Variants in BICDL1 observed in about 807,000 individuals in gnomAD.
The protein encoded by BICDL1 is BICD family like cargo adaptor 1, also known as BICD family-like cargo adapter 1.
A neutral mutation model predicts 76.8 loss-of-function variants in BICDL1; 20 were observed. The observed-to-expected ratio is 0.26, with a 90% CI of 0.18 to 0.38. The LOEUF is 0.38. Ranked by LOEUF, BICDL1 falls within the 10% of genes least tolerant of loss-of-function variation. The probability of loss-of-function intolerance (pLI) is 1.00; values close to 1 mark genes in which losing one functional copy is unlikely to be tolerated. For missense variants in BICDL1, 700 were observed against 798.6 expected, an observed-to-expected ratio of 0.88 and a Z score of 1.49; for synonymous variants, 383 against 337.1, an observed-to-expected ratio of 1.14 and a Z score of -1.49.
In BICDL1 at chr12:119,994,583, G is replaced by A. The variant is rs142228344; in HGVS notation, c.430-3938G>A. On this transcript the variant is annotated intron_variant, in intron 1 of 9. Transcript: ENST00000548673. ...TGGCTCACTGCAACCTCCGCCTCCC[G>A]GGTTCAAACAATTCTCCTGCCTCAG... Among the ~76,000 whole-genome samples the A allele has an allele frequency of 7.6e-3, 1,154 of 151,992 alleles. 15 individuals carry two copies. The highest frequency in any genetic ancestry group is 0.025 in the African/African-American group (1,054 of 41,446).
chr12:120,089,283 T>G (rs1874729633), intron 8 of BICDL1, among the ~76,000 whole-genome samples: 1 of 133,770 alleles, frequency 7.5e-6, no homozygotes, highest in African/African-American at 3.6e-5. Flanking sequence ...TGTGTGTGTG[T>G]GTGTGTATGT....
intron 8 of BICDL1, among the ~76,000 whole-genome samples, chr12:120,085,960 C>T (rs1036406137): frequency 1.4e-5 from 2 of 145,680 alleles, no homozygotes; most frequent in African/African-American, 5.1e-5. Flanking sequence ...TGTCAGGGTG[C>T]AGGAGAGAAG....
chr12:120,010,962 T>C (rs917299860), intron 2 of BICDL1, among the ~76,000 whole-genome samples: 1 of 152,228 alleles, frequency 6.6e-6, no homozygotes, highest in African/African-American at 2.4e-5. Context: ...ATTCATTATT[T>C]GTAGAAGAGT....
chr12:120,001,990 C>G (rs1452818630), intron 2 of BICDL1, among the ~76,000 whole-genome samples: 1 of 152,182 alleles, frequency 6.6e-6, no homozygotes, highest in Non-Finnish European at 1.5e-5. Flanking sequence ...TATGATCACA[C>G]CACTGCACTG....
At chr12:120,019,790 G>GCT (rs1458089687) in intron 2 of BICDL1, among the ~76,000 whole-genome samples, 1 of 152,112 alleles carries the variant, frequency 6.6e-6, no homozygotes, top group Non-Finnish European at 1.5e-5. Flanking sequence ...ATTTTTGTCT[G>GCT]CTGAGATTCA....
chr12:120,076,067 G>A (rs1873521860), intron 7 of BICDL1, among the ~76,000 whole-genome samples: 1 of 152,244 alleles, frequency 6.6e-6, no homozygotes, highest in Non-Finnish European at 1.5e-5. Context: ...GCTGAGGCAG[G>A]AGAATTGCTT....
intron 2 of BICDL1, among the ~76,000 whole-genome samples, chr12:120,037,461 G>A (rs78150882): frequency 0.014 from 2,172 of 151,768 alleles, 29 homozygotes; most frequent in Non-Finnish European, 0.021. Context: ...GTAAGACTGC[G>A]TGCAGTTCAT....
At chr12:119,999,797 C>T (rs1951724338) in intron 2 of BICDL1, 3 of 444,700 alleles carry the variant, frequency 6.7e-6, no homozygotes, top group South Asian at 1.6e-5. Flanking sequence ...TACCTCAGCC[C>T]TTCTTGTATA....
intron 1 of BICDL1, among the ~76,000 whole-genome samples, chr12:119,995,976 A>T (rs1397029667): frequency 6.7e-6 from 1 of 148,758 alleles, no homozygotes; most frequent in African/African-American, 2.5e-5. Context: ...ACAGAGCAAG[A>T]CTCCGTCTCA....
At chr12:119,999,707 A>C (rs190076953) in intron 2 of BICDL1, 15 of 395,696 alleles carry the variant, frequency 3.8e-5, no homozygotes, top group Admixed American at 3.3e-4. Flanking sequence ...CATACCTTTT[A>C]AACAAATGCA....
At chr12:120,024,452 C>T (rs1380759699) in intron 2 of BICDL1, among the ~76,000 whole-genome samples, 1 of 152,064 alleles carries the variant, frequency 6.6e-6, no homozygotes, top group African/African-American at 2.4e-5. Context: ...CAATGAAACA[C>T]AGAAAAGTAA....
At chr12:120,050,413 C>T (rs545988646) in intron 2 of BICDL1, among the ~76,000 whole-genome samples, 1 of 150,304 alleles carries the variant, frequency 6.7e-6, no homozygotes, top group Non-Finnish European at 1.5e-5. Flanking sequence ...ACTACAGGTG[C>T]CCGCCACCAC....
At chr12:120,092,007 A>T (rs1875016081) in intron 9 of BICDL1, 1 of 985,334 alleles carries the variant, frequency 1.0e-6, no homozygotes, top group Admixed American at 6.1e-5. Context: ...TCTTACCAGG[A>T]TGCCGCAGAG....
At chr12:119,990,578 A>G (rs1381687879) in intron 1 of BICDL1, among the ~76,000 whole-genome samples, 1 of 152,232 alleles carries the variant, frequency 6.6e-6, no homozygotes, top group Admixed American at 6.5e-5. Flanking sequence ...AGCTTACAGT[A>G]TGACTATATA....
intron 8 of BICDL1, among the ~76,000 whole-genome samples, chr12:120,082,112 TCTC>T (rs1200496960): frequency 5.3e-5 from 8 of 152,216 alleles, no homozygotes; most frequent in African/African-American, 1.9e-4. Flanking sequence ...GTCTGTAACA[TCTC>T]CTCTTTCTTC....
chr12:120,040,476 C>T (rs2138804676), intron 2 of BICDL1, among the ~76,000 whole-genome samples: 1 of 152,066 alleles, frequency 6.6e-6, no homozygotes, highest in Non-Finnish European at 1.5e-5. Context: ...GCCCAGGCTG[C>T]ACCATCTTGG....
chr12:120,083,658 T>C (rs1304896161), intron 8 of BICDL1, among the ~76,000 whole-genome samples: 1 of 150,988 alleles, frequency 6.6e-6, no homozygotes, highest in Non-Finnish European at 1.5e-5. Flanking sequence ...TTTATTTATT[T>C]ATTTATTTAT....
rs1486578787 is a variant in BICDL1 at position 120,091,072 on chromosome 12, T to C, written c.1704+1001T>C. 6 of 1,286,464 alleles carry C rather than the reference T, an allele frequency of 4.7e-6. No homozygotes were observed. In the Admixed American group the frequency reaches 1.2e-4, roughly 25 times the overall value. 79.7% of individuals were successfully genotyped at this position (1,286,464 alleles called of 1,614,324 possible). A position where few individuals can be genotyped will look rare whatever the true frequency, so the allele number is the denominator to read the frequency against. Reference sequence around the variant, plus strand: ...CCGTCTCGCCCTGCCATTGCTGTGCTGCCCCGCCGCCTCCCCTCATGGCCC... The same window carrying C: ...CCGTCTCGCCCTGCCATTGCTGTGCCGCCCCGCCGCCTCCCCTCATGGCCC... On this transcript the variant is annotated intron_variant, in intron 9 of 9. Transcript: ENST00000548673.
At chr12:120,067,712 AACTTGT>A (rs1361309491) in intron 4 of BICDL1, among the ~76,000 whole-genome samples, 1 of 152,242 alleles carries the variant, frequency 6.6e-6, no homozygotes, top group Non-Finnish European at 1.5e-5. Flanking sequence ...AGTACATAAG[AACTTGT>A]ACTTGTCTGT....
Sources: allele counts gnomAD v4.1 joint callset (sites outside exome capture counted in the v4.1 genomes callset), GRCh38; gene constraint gnomAD v4.1.1; transcripts MANE v1.5; gene names NCBI Gene and HGNC (gene_info 2026-07-23, HGNC 2026-07-21).